Variants in CORO7 observed in about 807,000 individuals in gnomAD.
The protein encoded by CORO7 is coronin 7.
In CORO7, 107 loss-of-function variants were observed where a neutral mutation model predicts 126.6. The ratio of observed to expected loss-of-function variants is 0.85; its 90% CI spans 0.72 to 0.99. The LOEUF is 0.99. CORO7 is among the 50% of genes least tolerant of loss of function. CORO7 has a pLI of 0.00. For synonymous variants in CORO7, 603 were observed against 536.8 expected, an observed-to-expected ratio of 1.12 and a Z score of -1.70; for missense variants, 1,314 against 1,255.8, an observed-to-expected ratio of 1.05 and a Z score of -0.70.
At chr16:4,375,161 C>G (rs1008854570) in intron 9 of CORO7, among the ~76,000 whole-genome samples, 1 of 152,228 alleles carries the variant, frequency 6.6e-6, no homozygotes, top group South Asian at 2.1e-4. Context: ...TGGGGCCTGG[C>G]CTTAGTCACT....
At chr16:4,377,644 G>A (rs571140332) in intron 9 of CORO7, among the ~76,000 whole-genome samples, 23 of 152,150 alleles carry the variant, frequency 1.5e-4, no homozygotes, top group Admixed American at 4.6e-4. Flanking sequence ...GCCTTCCCTC[G>A]CTGGGTTCCT....
intron 5 of CORO7, among the ~76,000 whole-genome samples, chr16:4,406,907 G>T (rs2056019579): frequency 6.6e-6 from 1 of 152,102 alleles, no homozygotes; most frequent in Non-Finnish European, 1.5e-5. Context: ...CCAAAGTGCT[G>T]GGATTACAGG....
rs1315477831 is a variant in CORO7, at chr16:4,369,774, A to T, written c.786-4229T>A. Among the ~76,000 whole-genome samples the T allele has an allele frequency of 2.6e-5, 4 of 152,142 alleles. No homozygotes were observed. The East Asian group carries it at 7.7e-4, about 29-fold the overall frequency. On this transcript the variant is annotated intron_variant, in intron 9 of 27. Coordinates refer to ENST00000251166, the MANE Select transcript of CORO7 (RefSeq NM_024535.5). ...ACATTCTGCCATTGCGCCAGTTCAA[A>T]GCAGGCTGGGTCCCTTGGATCTGTC...
chr16:4,357,131 C>CT (rs754919547), intron 26 of CORO7, 37 bp downstream of exon 26: 3 of 1,612,506 alleles, frequency 1.9e-6, no homozygotes, highest in South Asian at 2.2e-5. Flanking sequence ...AGCCAGGACT[C>CT]TGTCACCTCC....
chr16:4,362,151 G>C lies in CORO7; in HGVS notation c.1412C>G (p.Ser471Cys), dbSNP rs778775369. The C allele has an allele frequency of 4.9e-5, 79 of 1,607,912 alleles. 3 individuals carry two copies. In the South Asian group the frequency reaches 7.3e-4, roughly 15 times the overall value. The change falls in exon 16 of 28, where the codon TCC (serine) becomes TGC (cysteine). Residue 471 changes from serine to cysteine, a missense_variant. Physicochemically the swap from Ser to Cys is moderately radical, Grantham distance 112. Coordinates refer to ENST00000251166, the MANE Select transcript of CORO7 (RefSeq NM_024535.5). This position sits in a 1 kb window ranked among gnomAD's most constrained non-coding sequence, Gnocchi z 5.3. ...RSLQSLLGPS[S>C]KFRHAQGTVL... ...AGTGCCCTGAGCATGGCGGAACTTGGAACTGGGGCCTGGCAGGTGGCAGGG... is the reference window on the plus strand; with the variant it reads ...AGTGCCCTGAGCATGGCGGAACTTGCAACTGGGGCCTGGCAGGTGGCAGGG...
chr16:4,402,202 T>C (rs2055835297), intron 6 of CORO7, among the ~76,000 whole-genome samples: 8 of 152,064 alleles, frequency 5.3e-5, no homozygotes. Flanking sequence ...CCTCCCAAAG[T>C]GCTGGGATTA....
intron 9 of CORO7, chr16:4,381,126 G>A: frequency 1.2e-6 from 2 of 1,610,244 alleles, no homozygotes; most frequent in Non-Finnish European, 1.7e-6. Flanking sequence ...TCCTGGACCT[G>A]TCACAGAACC....
chr16:4,376,718 C>T (rs1488087453), intron 9 of CORO7, among the ~76,000 whole-genome samples: 1 of 152,154 alleles, frequency 6.6e-6, no homozygotes, highest in African/African-American at 2.4e-5. Context: ...CCTTGTCCTC[C>T]TTACTCATAG....
chr16:4,359,309 G>C lies in CORO7; in HGVS notation c.2327C>G (p.Pro776Arg), dbSNP rs767273606. ...GGGTGGCCTCACCTTGTGGGGGTCA[G>C]GCGACGTGAAGCTGTTGCACTCCAG... The part of the protein sequence containing the change: ...FFLECNSFTS[P>R]DPHKGLVLLP... Residue 776 changes from proline (P) to arginine (R), a missense_variant, in exon 23 of 28, where the codon CCT (proline) becomes CGT (arginine). Coordinates refer to ENST00000251166, the MANE Select transcript of CORO7 (RefSeq NM_024535.5). 3 of 1,608,166 alleles carry C rather than the reference G, an allele frequency of 1.9e-6. No individual in the cohort carries two copies. Among genetic ancestry groups the C allele is most frequent in the Non-Finnish European group, 2.5e-6 (3 of 1,177,990 alleles).
At chr16:4,389,541 C>T (rs1001723125) in intron 7 of CORO7, among the ~76,000 whole-genome samples, 1 of 152,262 alleles carries the variant, frequency 6.6e-6, no homozygotes, top group South Asian at 2.1e-4. Context: ...CTCCCCAGCC[C>T]GTGGAGGCTG....
At chr16:4,377,664 G>A (rs904514032) in intron 9 of CORO7, among the ~76,000 whole-genome samples, 17 of 152,196 alleles carry the variant, frequency 1.1e-4, no homozygotes, top group African/African-American at 3.6e-4. Flanking sequence ...TCTCGGGGCT[G>A]GCTGATGGGT....
intron 9 of CORO7, among the ~76,000 whole-genome samples, chr16:4,372,878 C>T (rs78621532): frequency 6.6e-6 from 1 of 152,284 alleles, no homozygotes; most frequent in Non-Finnish European, 1.5e-5. Context: ...CCATGCCTGC[C>T]TTTTGCACCA....
chr16:4,361,894 G>T, intron 16 of CORO7, 91 bp downstream of exon 16: 1 of 1,525,038 alleles, frequency 6.6e-7, no homozygotes. Flanking sequence ...CAAGGTTTGT[G>T]CTCCCTGTGT....
At chr16:4,361,497 CCA>C (rs781687416) in intron 16 of CORO7, 28 bp from the exon 17 acceptor site, 1 of 1,607,766 alleles carries the variant, frequency 6.2e-7, no homozygotes. Flanking sequence ...ACCCCGAGGC[CCA>C]TCAGTACCAG....
intron 7 of CORO7, among the ~76,000 whole-genome samples, chr16:4,391,342 G>T (rs1190883507): frequency 3.9e-5 from 6 of 152,160 alleles, no homozygotes; most frequent in African/African-American, 1.4e-4. Flanking sequence ...GATCACCTGA[G>T]GTCAGGAGTT....
chr16:4,387,620 C>G (rs1192899018), intron 9 of CORO7: 1 of 220,852 alleles, frequency 4.5e-6, no homozygotes, highest in Non-Finnish European at 9.3e-6. Context: ...CCTGGAGCCT[C>G]CCTGGGCCTC....
chr16:4,382,463 C>T, intron 9 of CORO7: 2 of 1,607,740 alleles, frequency 1.2e-6, no homozygotes, highest in Non-Finnish European at 8.5e-7. Flanking sequence ...CGGCCCAACG[C>T]CACTTACTCC....
intron 9 of CORO7, chr16:4,382,816 A>G (rs1337200291): frequency 2.5e-6 from 4 of 1,596,048 alleles, no homozygotes; most frequent in Non-Finnish European, 3.4e-6. Flanking sequence ...GGCCCTGCCC[A>G]GCGGGTCTGA....
At chr16:4,396,877 A>G (rs2055611250) in intron 6 of CORO7, among the ~76,000 whole-genome samples, 1 of 151,942 alleles carries the variant, frequency 6.6e-6, no homozygotes, top group Admixed American at 6.6e-5. Context: ...TTAGCCGGGC[A>G]TGGTGGCAGG....
Sources: gnomAD v4.1 joint callset for allele counts (sites outside exome capture counted in the v4.1 genomes callset) on GRCh38, gnomAD v4.1.1 for gene constraint, Gnocchi (gnomAD v3.1) non-coding constraint, MANE v1.5 for transcripts, NCBI Gene and HGNC (gene_info 2026-07-23, HGNC 2026-07-21) for gene names.